ADGRB3: variants seen among roughly 807,000 people sequenced by gnomAD.
The protein encoded by ADGRB3 is adhesion G protein-coupled receptor B3.
A neutral mutation model predicts 193.4 loss-of-function variants in ADGRB3; 37 were observed. The ratio of observed to expected loss-of-function variants is 0.19; its 90% confidence interval spans 0.15 to 0.25. The LOEUF is 0.25. Among genes scored for constraint, ADGRB3 ranks in the 10% least tolerant of loss-of-function variants. The pLI is 1.00. For synonymous variants in ADGRB3, 690 were observed against 644.2 expected (o/e 1.07, Z -1.08); for missense variants, 1,637 against 1,852.9 (o/e 0.88, Z 2.14).
At chr6:69,043,234 G>GGAGAAAGAAAGAAGAAAGA in intron 13 of ADGRB3, among the ~76,000 whole-genome samples, 1 of 133,532 alleles carries the variant, frequency 7.5e-6, no homozygotes, top group Non-Finnish European at 1.7e-5. Flanking sequence ...AAAGAAGGAA[G>GGAGAAAGAAAGAAGAAAGA]GAGAAAGAAA....
At chr6:69,283,316 G>A (rs1271384076) in intron 20 of ADGRB3, among the ~76,000 whole-genome samples, 1 of 152,148 alleles carries the variant, frequency 6.6e-6, no homozygotes, top group Admixed American at 6.6e-5. Context: ...TGATACCCCA[G>A]AGAGCAGCCC....
intron 3 of ADGRB3, among the ~76,000 whole-genome samples, chr6:68,856,055 C>A (rs1298529573): frequency 6.6e-6 from 1 of 152,144 alleles, no homozygotes; most frequent in East Asian, 1.9e-4. Context: ...AGTAGACCTG[C>A]ATAAGCTTTC....
intron 3 of ADGRB3, among the ~76,000 whole-genome samples, chr6:68,873,799 T>A (rs1159345638): frequency 6.6e-6 from 1 of 152,062 alleles, no homozygotes; most frequent in Non-Finnish European, 1.5e-5. Flanking sequence ...GATAACTTCA[T>A]TTTACTAGGA....
In ADGRB3 at chr6:69,127,895, G is replaced by GT. The variant is rs778494378; in HGVS notation, c.2480+51867dup. On this transcript the variant is annotated intron_variant, in intron 17 of 31. Transcript: ENST00000370598. Reference sequence around the variant, plus strand: ...GAGCAAAGCTACAGCCAAGATAATAGTTTTTTTTTTGTTTTTTTTTTCTGG... The same window carrying GT: ...GAGCAAAGCTACAGCCAAGATAATAGTTTTTTTTTTTGTTTTTTTTTTCTGG... 5.0e-3 allele frequency among the ~76,000 whole-genome samples: 422 copies of GT among 84,638 alleles called. 2 individuals carry two copies. Among genetic ancestry groups the GT allele is most frequent in the South Asian group, 0.024 (40 of 1,654 alleles). 55.5% of individuals were successfully genotyped at this position (84,638 alleles called of 152,430 possible).
intron 20 of ADGRB3, among the ~76,000 whole-genome samples, chr6:69,260,662 G>C (rs1373801004): frequency 6.6e-6 from 1 of 152,116 alleles, no homozygotes; most frequent in African/African-American, 2.4e-5. Flanking sequence ...GACTCTGCTA[G>C]TAAAGGTTAA....
intron 3 of ADGRB3, among the ~76,000 whole-genome samples, chr6:68,784,885 T>A (rs904171015): frequency 1.3e-5 from 2 of 152,122 alleles, no homozygotes; most frequent in Non-Finnish European, 2.9e-5. Context: ...CTTGTTTTCT[T>A]TTCCTTCATA....
At position 69,248,639 on chromosome 6, in the gene ADGRB3, G is replaced by C. The variant is rs113497018; in HGVS notation, c.2814+9413G>C. On this transcript the variant is annotated intron_variant, in intron 20 of 31. Coordinates refer to ENST00000370598, the MANE Select transcript of ADGRB3 (RefSeq NM_001704.3). ...ATACTTTAGGCTTTGTAGGACATAT[G>C]CTGTCTGTTGAATCTATTCAGTTCT... Among the ~76,000 whole-genome samples the C allele has an allele frequency of 2.8e-3, 432 of 152,322 alleles. 2 individuals carry two copies. Among genetic ancestry groups the C allele is most frequent in the Non-Finnish European group, 5.1e-3 (349 of 68,028 alleles).
chr6:68,873,519 A>G (rs2150220942), intron 3 of ADGRB3, among the ~76,000 whole-genome samples: 1 of 152,286 alleles, frequency 6.6e-6, no homozygotes, highest in South Asian at 2.1e-4. Context: ...GAGGCAGTGC[A>G]TTAGCAAAAA....
intron 3 of ADGRB3, among the ~76,000 whole-genome samples, chr6:68,726,256 A>G (rs1765672650): frequency 6.6e-6 from 1 of 151,678 alleles, no homozygotes; most frequent in African/African-American, 2.4e-5. Flanking sequence ...TATACCAGGG[A>G]TATAAAAAGC....
chr6:69,222,746 G>A (rs779466), intron 17 of ADGRB3, among the ~76,000 whole-genome samples: 22,724 of 152,022 alleles, frequency 0.15, 1,888 homozygotes, highest in Non-Finnish European at 0.18. Context: ...CTATTATTGA[G>A]TAGGTACAAA....
At chr6:69,383,926 G>C (rs996192220) in intron 31 of ADGRB3, among the ~76,000 whole-genome samples, 4 of 151,738 alleles carry the variant, frequency 2.6e-5, no homozygotes, top group Non-Finnish European at 5.9e-5. Flanking sequence ...TATTTATATT[G>C]TTCTAAAGTA....
chr6:68,960,491 A>G (rs979765103), intron 8 of ADGRB3, among the ~76,000 whole-genome samples: 4 of 152,112 alleles, frequency 2.6e-5, no homozygotes, highest in African/African-American at 9.7e-5. Flanking sequence ...AATATAGCGA[A>G]TGTGATCCCC....
At chr6:69,050,106 T>C (rs1771348947) in intron 15 of ADGRB3, among the ~76,000 whole-genome samples, 1 of 152,198 alleles carries the variant, frequency 6.6e-6, no homozygotes, top group South Asian at 2.1e-4. Context: ...TTCTTTGTTA[T>C]ACCCTCATAA....
At chr6:69,119,589 GTT>G (rs1301693376) in intron 17 of ADGRB3, among the ~76,000 whole-genome samples, 1 of 86,286 alleles carries the variant, frequency 1.2e-5, no homozygotes, top group African/African-American at 3.1e-5. Flanking sequence ...AAGATCTTTT[GTT>G]TTTGTGTGTG....
rs1767216261 is a variant in ADGRB3 at position 69,273,098 on chromosome 6, A to G, written c.2814+33872A>G. On this transcript the variant is annotated intron_variant, in intron 20 of 31. Transcript: ENST00000370598. ...GTAATTTTAGTAGAGACGGGGTTTC[A>G]CCATGTTGGCCAAGCTGGTCTTGAA... Among the ~76,000 whole-genome samples the G allele has an allele frequency of 2.0e-5, 3 of 152,172 alleles. No individual in the cohort carries two copies. In the South Asian group the frequency reaches 6.2e-4, roughly 32 times the overall value.
At chr6:69,067,376 A>G (rs1771940135) in intron 16 of ADGRB3, among the ~76,000 whole-genome samples, 1 of 152,186 alleles carries the variant, frequency 6.6e-6, no homozygotes. Context: ...CCAATTTTAA[A>G]TGAAAATTAA....
At chr6:68,658,707 T>C (rs1419855032) in intron 3 of ADGRB3, among the ~76,000 whole-genome samples, 2 of 151,310 alleles carry the variant, frequency 1.3e-5, no homozygotes, top group African/African-American at 4.8e-5. Context: ...ATGTTTAACA[T>C]TTTGTTTTAG....
At chr6:68,662,990 A>G (rs567243195) in intron 3 of ADGRB3, among the ~76,000 whole-genome samples, 1 of 151,260 alleles carries the variant, frequency 6.6e-6, no homozygotes, top group East Asian at 1.9e-4. Context: ...ATAGATAATA[A>G]CTTTCTAGTA....
chr6:69,309,738 A>G (rs1165181458), intron 20 of ADGRB3, among the ~76,000 whole-genome samples: 1 of 151,586 alleles, frequency 6.6e-6, no homozygotes, highest in African/African-American at 2.4e-5. Context: ...AGGGAGGACA[A>G]TTTGTTAGAC....
Sources: allele counts gnomAD v4.1 joint callset (sites outside exome capture counted in the v4.1 genomes callset), GRCh38; gene constraint gnomAD v4.1.1; transcripts MANE v1.5; gene names NCBI Gene and HGNC (gene_info 2026-07-23, HGNC 2026-07-21).